The following SLC8A3 variants were observed in gnomAD, a reference collection of about 807,000 sequenced individuals.
SLC8A3 encodes sodium/calcium exchanger 3.
Under a neutral mutation model 65.4 loss-of-function variants are expected in SLC8A3, and 37 were observed. The observed-to-expected ratio is 0.57, with a 90% confidence interval of 0.44 to 0.74. The LOEUF (loss-of-function observed/expected upper bound fraction) is 0.74. Among genes scored for constraint, SLC8A3 ranks in the 30% least tolerant of loss-of-function variants. SLC8A3 has a pLI of 0.00. For synonymous variants in SLC8A3, 461 were observed against 444.5 expected (o/e 1.04, Z -0.47); for missense variants, 1,112 against 1,172.1 (o/e 0.95, Z 0.75).
At chr14:70,069,896 G>C (rs1889850544) in intron 2 of SLC8A3, among the ~76,000 whole-genome samples, 1 of 152,124 alleles carries the variant, frequency 6.6e-6, no homozygotes, top group South Asian at 2.1e-4. Flanking sequence ...ATCTGGGGTG[G>C]GGCCTGAGAG....
chr14:70,118,383 AC>A (rs1893802402), intron 2 of SLC8A3, among the ~76,000 whole-genome samples: 1 of 152,126 alleles, frequency 6.6e-6, no homozygotes. Context: ...GTGAACAAGA[AC>A]CCTTTACACC....
chr14:70,082,245 C>A (rs1378848672), intron 2 of SLC8A3, among the ~76,000 whole-genome samples: 1 of 151,004 alleles, frequency 6.6e-6, no homozygotes, highest in South Asian at 2.1e-4. Context: ...ATAAGATTTT[C>A]TAAAAATATC....
Position 70,046,130 on chromosome 14 carries a change from G to T in SLC8A3, c.2583C>A (p.Leu861=), listed in dbSNP as rs753938843. 1 of 1,614,090 alleles carries T rather than the reference G, an allele frequency of 6.2e-7. No homozygotes were observed. The highest frequency in any genetic ancestry group is 2.2e-5 in the East Asian group (1 of 44,902). The change falls in exon 7 of 7, where the codon CTC becomes CTA. Residue 861 remains leucine (L), a synonymous_variant. Coordinates refer to ENST00000356921, the MANE Select transcript of SLC8A3 (RefSeq NM_182932.3). This position sits in a 1 kb window ranked among gnomAD's most constrained non-coding sequence, Gnocchi z 4.2. The part of the protein sequence containing the change: ...SAGTLAFSVT[L]FTIFAFVCIS... The stretch of plus-strand genomic sequence containing the variant: ...TGCAGACAAATGCAAAGATGGTGAA[G>T]AGGGTGACGGAGAAGGCCAGTGTGC...
At chr14:70,077,958 A>T (rs1436615733) in intron 2 of SLC8A3, among the ~76,000 whole-genome samples, 1 of 152,200 alleles carries the variant, frequency 6.6e-6, no homozygotes, top group South Asian at 2.1e-4. Flanking sequence ...ACATTTACAT[A>T]TTCCTGTCCT....
chr14:70,134,785 G>A (rs999230863), intron 2 of SLC8A3, among the ~76,000 whole-genome samples: 1 of 152,174 alleles, frequency 6.6e-6, no homozygotes, highest in African/African-American at 2.4e-5. Flanking sequence ...AAGACACTCA[G>A]AACTTGCAAG....
At chr14:70,131,685 A>C (rs1894837380) in intron 2 of SLC8A3, among the ~76,000 whole-genome samples, 1 of 152,226 alleles carries the variant, frequency 6.6e-6, no homozygotes, top group African/African-American at 2.4e-5. Context: ...ATTGCATTTG[A>C]TAAAGGGAAA....
At chr14:70,084,947 A>G (rs1891320314) in intron 2 of SLC8A3, among the ~76,000 whole-genome samples, 1 of 152,192 alleles carries the variant, frequency 6.6e-6, no homozygotes. Flanking sequence ...TGGTTAGACA[A>G]ACTGTGTAGT....
intron 2 of SLC8A3, among the ~76,000 whole-genome samples, chr14:70,122,717 T>C (rs1261919044): frequency 6.6e-6 from 1 of 152,140 alleles, no homozygotes; most frequent in Non-Finnish European, 1.5e-5. Flanking sequence ...TCAGAGTAGA[T>C]GACCTTCAAA....
intron 2 of SLC8A3, among the ~76,000 whole-genome samples, chr14:70,128,012 C>CA (rs1348843199): frequency 1.3e-5 from 2 of 152,100 alleles, no homozygotes; most frequent in Non-Finnish European, 2.9e-5. Flanking sequence ...TTGGTATATC[C>CA]AAAGCAACAT....
chr14:70,132,704 A>G (rs1319502657), intron 2 of SLC8A3, among the ~76,000 whole-genome samples: 1 of 152,202 alleles, frequency 6.6e-6, no homozygotes, highest in Non-Finnish European at 1.5e-5. Context: ...GGGTATCTAA[A>G]TTAACCAGAT....
intron 2 of SLC8A3, among the ~76,000 whole-genome samples, chr14:70,081,265 G>T (rs1325615953): frequency 6.6e-6 from 1 of 152,186 alleles, no homozygotes; most frequent in Non-Finnish European, 1.5e-5. Context: ...AATTGTAAAA[G>T]TGCCAATTCC....
At chr14:70,165,440 G>T (rs1566823922) in intron 2 of SLC8A3, among the ~76,000 whole-genome samples, 1 of 152,096 alleles carries the variant, frequency 6.6e-6, no homozygotes, top group Non-Finnish European at 1.5e-5. Flanking sequence ...ATTTCTTACT[G>T]AAGGTATAAT....
At chr14:70,163,830 A>C (rs1357184099) in intron 2 of SLC8A3, among the ~76,000 whole-genome samples, 1 of 152,150 alleles carries the variant, frequency 6.6e-6, no homozygotes, top group Non-Finnish European at 1.5e-5. Context: ...CCTGGATCCT[A>C]ATCTGCCCTT....
At chr14:70,184,867 G>A (rs1883052039) in intron 1 of SLC8A3, among the ~76,000 whole-genome samples, 3 of 152,222 alleles carry the variant, frequency 2.0e-5, no homozygotes, top group Admixed American at 2.0e-4. Flanking sequence ...TTTTCTTTTG[G>A]AGTTCAATGT....
At chr14:70,111,323 A>G (rs1893287844) in intron 2 of SLC8A3, among the ~76,000 whole-genome samples, 1 of 152,194 alleles carries the variant, frequency 6.6e-6, no homozygotes, top group African/African-American at 2.4e-5. Flanking sequence ...CAAATACTGC[A>G]CTCACCCTAT....
chr14:70,055,390 AT>A (rs577753030), intron 3 of SLC8A3, among the ~76,000 whole-genome samples: 2 of 151,366 alleles, frequency 1.3e-5, no homozygotes, highest in East Asian at 1.9e-4. Context: ...GGATTAAAGT[AT>A]TTTTTTTTCA....
intron 2 of SLC8A3, among the ~76,000 whole-genome samples, chr14:70,074,606 G>A (rs1299058380): frequency 6.6e-6 from 1 of 152,204 alleles, no homozygotes; most frequent in Non-Finnish European, 1.5e-5. Context: ...ATGCTTAAAG[G>A]TCTGAAGTTA....
At chr14:70,075,558 T>C (rs1890430166) in intron 2 of SLC8A3, among the ~76,000 whole-genome samples, 1 of 152,104 alleles carries the variant, frequency 6.6e-6, no homozygotes, top group South Asian at 2.1e-4. Flanking sequence ...CCCGCGCTTA[T>C]TTGTCAGCGT....
intron 2 of SLC8A3, among the ~76,000 whole-genome samples, chr14:70,132,406 A>T (rs1353060814): frequency 2.6e-5 from 4 of 152,210 alleles, no homozygotes; most frequent in Non-Finnish European, 1.5e-5. Flanking sequence ...TGGAAGAGCC[A>T]ATTCATTTTA....
Sources: gnomAD v4.1 joint callset for allele counts (sites outside exome capture counted in the v4.1 genomes callset) on GRCh38, gnomAD v4.1.1 for gene constraint, Gnocchi (gnomAD v3.1) non-coding constraint, MANE v1.5 for transcripts, NCBI Gene and HGNC (gene_info 2026-07-23, HGNC 2026-07-21) for gene names.